CDK8: variants seen among roughly 807,000 people sequenced by gnomAD.
CDK8 encodes cyclin dependent kinase 8, also known as cyclin-dependent kinase 8.
CDK8 carries 29 observed loss-of-function variants against 71.5 expected under a neutral mutation model. The ratio of observed to expected loss-of-function variants is 0.41; its 90% CI spans 0.30 to 0.55. The LOEUF is 0.55. Among genes scored for constraint, CDK8 ranks in the 20% least tolerant of loss-of-function variants. The pLI, the probability that CDK8 is intolerant of heterozygous loss-of-function variation, is 0.37. For synonymous variants in CDK8, 161 were observed against 192.1 expected, an observed-to-expected ratio of 0.84 and a Z score of 1.34; for missense variants, 288 against 572.6, an observed-to-expected ratio of 0.50 and a Z score of 5.07.
At chr13:26,377,810 T>C (rs534327248) in intron 4 of CDK8, among the ~76,000 whole-genome samples, 150 of 152,372 alleles carry the variant, frequency 9.8e-4, no homozygotes, top group Non-Finnish European at 2.0e-3. Context: ...CTTTGCTGCC[T>C]GCTTTTGAAT....
intron 2 of CDK8, among the ~76,000 whole-genome samples, chr13:26,338,169 G>A (rs1158312976): frequency 2.0e-5 from 3 of 152,022 alleles, no homozygotes; most frequent in Non-Finnish European, 4.4e-5. Context: ...TGCATTAATA[G>A]TTATCCATAC....
intron 1 of CDK8, among the ~76,000 whole-genome samples, chr13:26,332,856 C>T (rs980702314): frequency 2.0e-5 from 3 of 152,156 alleles, no homozygotes; most frequent in African/African-American, 7.2e-5. Flanking sequence ...ATACCTTGAA[C>T]ATACATTGCG....
intron 1 of CDK8, among the ~76,000 whole-genome samples, chr13:26,337,227 A>T (rs1873032487): frequency 6.6e-6 from 1 of 152,208 alleles, no homozygotes; most frequent in African/African-American, 2.4e-5. Flanking sequence ...TAGGTTTGAG[A>T]AAGCAGGTTT....
rs796452564 is a variant in CDK8, at chr13:26,381,754, C to CT, written c.457-1049dup. On this transcript the variant is annotated intron_variant, in intron 4 of 12. Coordinates refer to ENST00000381527, the MANE Select transcript of CDK8 (RefSeq NM_001260.3). ...GTTAGTGCTGCCATTTCAGCAATAC[C>CT]TTTTTTTTTTTGGCTGGGAATAACT... Among the ~76,000 whole-genome samples the CT allele has an allele frequency of 4.3e-3, 623 of 144,006 alleles. 1 individual carries two copies. The highest frequency in any genetic ancestry group is 0.012 in the African/African-American group (489 of 39,438). 94.5% of individuals were successfully genotyped at this position (144,006 alleles called of 152,430 possible). A position where few individuals can be genotyped will look rare whatever the true frequency, so the allele number is the denominator to read the frequency against.
At chr13:26,315,750 T>C (rs541078606) in intron 1 of CDK8, among the ~76,000 whole-genome samples, 89 of 152,260 alleles carry the variant, frequency 5.8e-4, no homozygotes, top group African/African-American at 2.1e-3. Context: ...TCATATAAAA[T>C]GGGAGTAACA....
chr13:26,295,651 C>T (rs1873522899), intron 1 of CDK8, among the ~76,000 whole-genome samples: 2 of 152,124 alleles, frequency 1.3e-5, no homozygotes, highest in South Asian at 4.1e-4. Context: ...TCCAACTAGA[C>T]TATTTAAAAC....
At chr13:26,312,164 G>A (rs11617335) in intron 1 of CDK8, among the ~76,000 whole-genome samples, 7,378 of 152,164 alleles carry the variant, frequency 0.048, 246 homozygotes, top group South Asian at 0.07. Context: ...CTGTGAAAAC[G>A]CAACAATCAG....
intron 2 of CDK8, among the ~76,000 whole-genome samples, chr13:26,339,233 A>G (rs1415138090): frequency 6.6e-6 from 1 of 152,026 alleles, no homozygotes; most frequent in African/African-American, 2.4e-5. Context: ...ATTTTCTTCT[A>G]AATGCTTTAT....
chr13:26,303,807 G>A (rs139235480), intron 1 of CDK8, among the ~76,000 whole-genome samples: 197 of 152,108 alleles, frequency 1.3e-3, no homozygotes, highest in African/African-American at 3.8e-3. Flanking sequence ...TAGGTATCAG[G>A]GCAAATTTAG....
At chr13:26,324,725 TATG>T (rs1384387166) in intron 1 of CDK8, 1 of 344,458 alleles carries the variant, frequency 2.9e-6, no homozygotes, top group Non-Finnish European at 4.1e-6. Flanking sequence ...AATGTCAAAA[TATG>T]ATTCTTGAAG....
intron 4 of CDK8, among the ~76,000 whole-genome samples, chr13:26,378,933 TATTC>T (rs1237517321): frequency 1.3e-5 from 2 of 152,218 alleles, no homozygotes; most frequent in Non-Finnish European, 2.9e-5. Flanking sequence ...AAACAAAAAT[TATTC>T]ATCAAGTCTT....
chr13:26,382,716 G>A, intron 4 of CDK8, 98 bp from the exon 5 acceptor site: 1 of 699,636 alleles, frequency 1.4e-6, no homozygotes, highest in South Asian at 2.3e-5. Context: ...GAATAAATGA[G>A]ATTTTTTAAA....
intron 2 of CDK8, among the ~76,000 whole-genome samples, chr13:26,343,691 C>G (rs1340815807): frequency 2.0e-5 from 3 of 152,166 alleles, no homozygotes; most frequent in Non-Finnish European, 4.4e-5. Context: ...AGACTATAAG[C>G]ACTGTACACT....
intron 1 of CDK8, among the ~76,000 whole-genome samples, chr13:26,262,328 TTG>T (rs1168799668): frequency 6.6e-6 from 1 of 152,242 alleles, no homozygotes; most frequent in Non-Finnish European, 1.5e-5. Context: ...AGGGCAATGA[TTG>T]TGTTCTCCCC....
chr13:26,399,149 A>G (rs1002841926), intron 9 of CDK8, among the ~76,000 whole-genome samples: 4 of 151,730 alleles, frequency 2.6e-5, no homozygotes, highest in African/African-American at 7.3e-5. Flanking sequence ...ACCTGGGATT[A>G]CAGGCGCCTG....
At chr13:26,340,326 G>T (rs1304487503) in intron 2 of CDK8, among the ~76,000 whole-genome samples, 1 of 151,846 alleles carries the variant, frequency 6.6e-6, no homozygotes, top group African/African-American at 2.4e-5. Flanking sequence ...TATTTTCATT[G>T]TGGGTCAGAG....
intron 4 of CDK8, among the ~76,000 whole-genome samples, chr13:26,371,144 T>G (rs989985244): frequency 6.6e-6 from 1 of 152,152 alleles, no homozygotes; most frequent in Non-Finnish European, 1.5e-5. Flanking sequence ...ACTGTGGTAG[T>G]GAATCATTGT....
At chr13:26,397,460 A>G (rs978217216) in intron 9 of CDK8, among the ~76,000 whole-genome samples, 16 of 152,172 alleles carry the variant, frequency 1.1e-4, no homozygotes, top group Admixed American at 1.0e-3. Context: ...TTCTAAAGAT[A>G]GCGATGGTAA....
intron 1 of CDK8, among the ~76,000 whole-genome samples, chr13:26,283,309 CAAT>C (rs1872844589): frequency 6.6e-6 from 1 of 152,202 alleles, no homozygotes; most frequent in African/African-American, 2.4e-5. Context: ...AAACAGGTCT[CAAT>C]AAATGCAACA....
Sources: allele counts gnomAD v4.1 joint callset (sites outside exome capture counted in the v4.1 genomes callset), GRCh38; gene constraint gnomAD v4.1.1; transcripts MANE v1.5; gene names NCBI Gene and HGNC (gene_info 2026-07-23, HGNC 2026-07-21).